Variants in TMEM132D observed in about 807,000 individuals in gnomAD.
The protein encoded by TMEM132D is transmembrane protein 132D.
In TMEM132D, 21 loss-of-function variants were observed where a neutral mutation model predicts 62.3. The ratio of observed to expected loss-of-function variants is 0.34; its 90% confidence interval spans 0.24 to 0.49. TMEM132D has a LOEUF of 0.49. TMEM132D is among the 20% of genes least tolerant of loss of function. The pLI, the probability that TMEM132D is intolerant of heterozygous loss-of-function variation, is 0.99. For synonymous variants in TMEM132D, 621 were observed against 575.6 expected, an observed-to-expected ratio of 1.08 and a Z score of -1.13; for missense variants, 1,346 against 1,402.8, an observed-to-expected ratio of 0.96 and a Z score of 0.65.
At chr12:129,439,255 A>G (rs886984440) in intron 3 of TMEM132D, among the ~76,000 whole-genome samples, 1 of 152,176 alleles carries the variant, frequency 6.6e-6, no homozygotes, top group Non-Finnish European at 1.5e-5. Flanking sequence ...CTCAGCCGAA[A>G]TATCTGATGG....
chr12:129,417,938 C>T (rs556308856), intron 3 of TMEM132D, among the ~76,000 whole-genome samples: 2 of 152,152 alleles, frequency 1.3e-5, no homozygotes, highest in Admixed American at 6.5e-5. Flanking sequence ...GGCCAAGAAA[C>T]ATATGAAAAA....
intron 2 of TMEM132D, among the ~76,000 whole-genome samples, chr12:129,611,274 T>C (rs1878767740): frequency 1.3e-5 from 2 of 152,216 alleles, no homozygotes; most frequent in African/African-American, 4.8e-5. Flanking sequence ...GGGACCTAAC[T>C]TTCTTTAGCG....
chr12:129,349,548 A>C (rs1869798999), intron 3 of TMEM132D, among the ~76,000 whole-genome samples: 1 of 152,188 alleles, frequency 6.6e-6, no homozygotes. Flanking sequence ...GAAAAGGCTT[A>C]TTTAAAACAG....
intron 3 of TMEM132D, among the ~76,000 whole-genome samples, chr12:129,354,797 A>G (rs141216990): frequency 6.6e-6 from 1 of 152,314 alleles, no homozygotes; most frequent in East Asian, 1.9e-4. Flanking sequence ...CAGCTAATAA[A>G]CGGAGGAGTC....
chr12:129,788,945 C>T (rs1871320527), intron 1 of TMEM132D, among the ~76,000 whole-genome samples: 1 of 152,068 alleles, frequency 6.6e-6, no homozygotes, highest in South Asian at 2.1e-4. Context: ...TGATGGGGAA[C>T]CACAGGAGAT....
intron 1 of TMEM132D, among the ~76,000 whole-genome samples, chr12:129,839,163 G>A (rs71446281): frequency 1.1e-4 from 8 of 72,918 alleles, no homozygotes; most frequent in Admixed American, 2.2e-4. Flanking sequence ...ATGGAATCTC[G>A]CACTGTCGCC....
intron 1 of TMEM132D, among the ~76,000 whole-genome samples, chr12:129,822,261 G>T (rs563305063): frequency 6.6e-6 from 1 of 152,240 alleles, no homozygotes; most frequent in East Asian, 1.9e-4. Context: ...ACCTGCCGGG[G>T]TCCTGAAGAC....
chr12:129,374,971 A>C (rs1355952146), intron 3 of TMEM132D, among the ~76,000 whole-genome samples: 2 of 151,980 alleles, frequency 1.3e-5, no homozygotes, highest in Non-Finnish European at 2.9e-5. Flanking sequence ...CCTACCTGGC[A>C]CCCTCCCTAC....
At chr12:129,660,493 G>A (rs747663967) in intron 2 of TMEM132D, among the ~76,000 whole-genome samples, 94 of 152,232 alleles carry the variant, frequency 6.2e-4, no homozygotes, top group Middle Eastern at 3.4e-3. Flanking sequence ...GGACTGTCAC[G>A]TCCAATGTTG....
chr12:129,736,931 C>T (rs535246367), intron 1 of TMEM132D, among the ~76,000 whole-genome samples: 2 of 152,032 alleles, frequency 1.3e-5, no homozygotes, highest in East Asian at 1.9e-4. Context: ...GATTCTCCTG[C>T]CTCAGCCTCC....
intron 1 of TMEM132D, among the ~76,000 whole-genome samples, chr12:129,718,769 T>C (rs1257093494): frequency 3.9e-5 from 6 of 152,210 alleles, no homozygotes. Context: ...GGGCAAATCA[T>C]TTAACCATTT....
chr12:129,084,818 C>T (rs1874563247), intron 5 of TMEM132D, 116 bp from the exon 6 acceptor site: 2 of 927,046 alleles, frequency 2.2e-6, no homozygotes, highest in African/African-American at 1.7e-5. Flanking sequence ...CCTTTCCTCC[C>T]CTTACTATGG....
chr12:129,290,592 C>T (rs912217071), intron 4 of TMEM132D, among the ~76,000 whole-genome samples: 2 of 152,084 alleles, frequency 1.3e-5, no homozygotes, highest in Non-Finnish European at 2.9e-5. Flanking sequence ...TTTATGTGTG[C>T]ACAAATGTGT....
chr12:129,625,321 G>T (rs565146539), intron 2 of TMEM132D, among the ~76,000 whole-genome samples: 1 of 152,244 alleles, frequency 6.6e-6, no homozygotes, highest in African/African-American at 2.4e-5. Flanking sequence ...TCAAGAAAAA[G>T]ACACAAAACC....
chr12:129,373,528 A>G (rs1380549704), intron 3 of TMEM132D, among the ~76,000 whole-genome samples: 1 of 152,104 alleles, frequency 6.6e-6, no homozygotes, highest in Non-Finnish European at 1.5e-5. Context: ...GCTACTTGGG[A>G]GGCTGAGGCA....
intron 1 of TMEM132D, among the ~76,000 whole-genome samples, chr12:129,808,138 T>C (rs1872053722): frequency 1.3e-5 from 2 of 152,226 alleles, no homozygotes; most frequent in South Asian, 2.1e-4. Context: ...TTATTGTTCA[T>C]GATAAAAGAA....
chr12:129,726,464 G>A (rs921895640), intron 1 of TMEM132D, among the ~76,000 whole-genome samples: 7 of 152,158 alleles, frequency 4.6e-5, no homozygotes, highest in African/African-American at 1.7e-4. Flanking sequence ...GAAAGGCATG[G>A]TAAAAAGAGA....
chr12:129,715,626 G>A (rs1427279401), intron 1 of TMEM132D, among the ~76,000 whole-genome samples: 2 of 152,126 alleles, frequency 1.3e-5, no homozygotes, highest in African/African-American at 2.4e-5. Context: ...GCAATTCAAC[G>A]TTCCTTTACT....
intron 1 of TMEM132D, among the ~76,000 whole-genome samples, chr12:129,876,030 T>C (rs943032375): frequency 6.6e-6 from 1 of 152,162 alleles, no homozygotes; most frequent in Non-Finnish European, 1.5e-5. Flanking sequence ...GTTTTCAGCA[T>C]TGTTAAAATG....
Sources: allele counts gnomAD v4.1 joint callset (sites outside exome capture counted in the v4.1 genomes callset), GRCh38; gene constraint gnomAD v4.1.1; transcripts MANE v1.5; gene names NCBI Gene and HGNC (gene_info 2026-07-23, HGNC 2026-07-21).